The following ZNF407 variants were observed in gnomAD, a reference collection of about 807,000 sequenced individuals.
ZNF407 encodes zinc finger protein 407.
Under a neutral mutation model 131.2 loss-of-function variants are expected in ZNF407, and 17 were observed. That is an observed-to-expected ratio of 0.13 (90% CI 0.09 to 0.19). The LOEUF (loss-of-function observed/expected upper bound fraction) is 0.19, where lower values mean the gene tolerates loss of function less well. Ranked by LOEUF, ZNF407 falls within the 10% of genes least tolerant of loss-of-function variation. The pLI, the probability that ZNF407 is intolerant of heterozygous loss-of-function variation, is 1.00. For synonymous variants in ZNF407, 1,156 were observed against 1,062.0 expected, an observed-to-expected ratio of 1.09 and a Z score of -1.72; for missense variants, 2,681 against 2,830.6, an observed-to-expected ratio of 0.95 and a Z score of 1.20.
intron 8 of ZNF407, among the ~76,000 whole-genome samples, chr18:75,004,452 C>T (rs572866763): frequency 3.9e-5 from 6 of 152,204 alleles, no homozygotes. Context: ...GCAGGACAGG[C>T]CCGTGCCACC....
chr18:74,776,934 G>A (rs752016489), intron 3 of ZNF407, among the ~76,000 whole-genome samples: 11 of 152,104 alleles, frequency 7.2e-5, no homozygotes, highest in Admixed American at 1.3e-4. Flanking sequence ...CCTTTTGATC[G>A]TCGCATTAAG....
chr18:74,881,934 C>G (rs28446887), intron 6 of ZNF407, among the ~76,000 whole-genome samples: 4,292 of 152,280 alleles, frequency 0.028, 193 homozygotes, highest in African/African-American at 0.095. Context: ...AAAGGCACAT[C>G]TTACATGGCG....
intron 1 of ZNF407, among the ~76,000 whole-genome samples, chr18:74,598,906 G>A (rs1490948380): frequency 6.6e-6 from 1 of 152,232 alleles, no homozygotes; most frequent in Non-Finnish European, 1.5e-5. Context: ...TTTGGAATAG[G>A]ACATCCCACA....
intron 1 of ZNF407, among the ~76,000 whole-genome samples, chr18:74,602,681 T>C (rs996653999): frequency 2.0e-5 from 3 of 152,184 alleles, no homozygotes; most frequent in Non-Finnish European, 4.4e-5. Context: ...AGCTATTAAA[T>C]GGTAGAGCCA....
At position 74,632,001 on chromosome 18, in the gene ZNF407, A is replaced by G. The variant is rs1984120480; in HGVS notation, c.982A>G (p.Lys328Glu). The change falls in exon 2 of 9, where the codon AAA becomes GAA. Residue 328 changes from lysine to glutamate, a missense_variant. By Grantham distance (56) the Lys-to-Glu change is moderately conservative. This residue lies in a region of ZNF407 where 1,789 missense variants were observed against 1,748.7 expected (regional missense o/e 1.02). Coordinates refer to ENST00000299687, the MANE Select transcript of ZNF407 (RefSeq NM_017757.3). ...KGLRNVGSTF[K>E]DFRGSISKQS... ...ATTACGAAATGTGGGAAGCACGTTTAAAGATTTCAGAGGAAGTATTTCTAA... is the reference window on the plus strand; with the variant it reads ...ATTACGAAATGTGGGAAGCACGTTTGAAGATTTCAGAGGAAGTATTTCTAA... 8 of 1,613,994 alleles carry G rather than the reference A, an allele frequency of 5.0e-6. No individual in the cohort carries two copies. Among genetic ancestry groups the G allele is most frequent in the Non-Finnish European group, 5.1e-6 (6 of 1,179,894 alleles).
Position 74,632,165 on chromosome 18 carries a change from A to G in ZNF407, c.1146A>G (p.Leu382=). The part of the protein sequence containing the change: ...AQNPENQSRK[L]DTLVTSEGLL... ...ATCCTGAAAACCAGAGTAGAAAGCT[A>G]GACACCTTAGTAACCTCAGAGGGTC... The change falls in exon 2 of 9, where the codon CTA becomes CTG. Residue 382 remains leucine, a synonymous_variant. Coordinates refer to ENST00000299687, the MANE Select transcript of ZNF407 (RefSeq NM_017757.3). The G allele has an allele frequency of 1.2e-6, 2 of 1,614,010 alleles. No homozygotes were observed. The highest frequency in any genetic ancestry group is 2.2e-5 in the East Asian group (1 of 44,882).
chr18:74,778,889 T>TAGCTTTCAGATTTGCC (rs1378957804), intron 3 of ZNF407, among the ~76,000 whole-genome samples: 1 of 152,050 alleles, frequency 6.6e-6, no homozygotes, highest in African/African-American at 2.4e-5. Flanking sequence ...GCCAATTGGC[T>TAGCTTTCAGATTTGCC]AGCTTTCAGA....
chr18:74,846,806 A>G (rs1434780284), intron 4 of ZNF407, among the ~76,000 whole-genome samples: 1 of 151,848 alleles, frequency 6.6e-6, no homozygotes, highest in Non-Finnish European at 1.5e-5. Context: ...AGCCTGGCCA[A>G]CATGGTGAAA....
At chr18:74,600,873 A>G (rs1310527053) in intron 1 of ZNF407, among the ~76,000 whole-genome samples, 1 of 152,214 alleles carries the variant, frequency 6.6e-6, no homozygotes, top group East Asian at 1.9e-4. Context: ...AGTGACATGT[A>G]CACCCTTTTG....
Position 74,634,786 on chromosome 18 carries a change from G to T in ZNF407, c.3767G>T (p.Gly1256Val). ...HRHLCPVTLD[G>V]ERSAESPVLV... ...CACCTGTGCCCTGTGACGCTCGATG[G>T]GGAGCGCTCGGCTGAAAGCCCTGTG... The change falls in exon 2 of 9, where the codon GGG becomes GTG. Residue 1256 changes from glycine to valine, a missense_variant. Around this residue, in one of 6 missense-constraint regions of ZNF407, gnomAD observed 1,789 missense variants for 1,748.7 expected, o/e 1.02. Transcript: ENST00000299687. The T allele has an allele frequency of 6.2e-7, 1 of 1,614,022 alleles. No individual in the cohort carries two copies. Among genetic ancestry groups the T allele is most frequent in the South Asian group, 1.1e-5 (1 of 91,086 alleles).
chr18:74,705,649 T>A (rs560003203), intron 3 of ZNF407, among the ~76,000 whole-genome samples: 1 of 152,360 alleles, frequency 6.6e-6, no homozygotes, highest in Non-Finnish European at 1.5e-5. Flanking sequence ...TTTATGTTGA[T>A]GAAATTGGAT....
intron 8 of ZNF407, among the ~76,000 whole-genome samples, chr18:74,932,682 TTTAAG>T (rs1450056230): frequency 6.6e-6 from 1 of 152,250 alleles, no homozygotes; most frequent in Non-Finnish European, 1.5e-5. Flanking sequence ...TCTTCAATTC[TTTAAG>T]TTATCAAATA....
chr18:75,001,394 T>C (rs1972844112), intron 8 of ZNF407, among the ~76,000 whole-genome samples: 1 of 152,198 alleles, frequency 6.6e-6, no homozygotes, highest in South Asian at 2.1e-4. Flanking sequence ...CGATATCTAT[T>C]AGGGGGAGAA....
intron 3 of ZNF407, among the ~76,000 whole-genome samples, chr18:74,667,281 TTGAC>T (rs1469350022): frequency 3.3e-5 from 5 of 152,246 alleles, no homozygotes; most frequent in African/African-American, 1.2e-4. Context: ...TTGCCGATCT[TTGAC>T]TGCAGAAACT....
intron 3 of ZNF407, among the ~76,000 whole-genome samples, chr18:74,689,018 G>A (rs1042524801): frequency 6.6e-6 from 1 of 152,038 alleles, no homozygotes; most frequent in Non-Finnish European, 1.5e-5. Flanking sequence ...TGTAGAGATG[G>A]GGTTTCACCC....
intron 8 of ZNF407, among the ~76,000 whole-genome samples, chr18:74,973,646 A>T (rs1972497255): frequency 6.6e-6 from 1 of 152,222 alleles, no homozygotes; most frequent in African/African-American, 2.4e-5. Flanking sequence ...GGCCGCCATA[A>T]CAAAATGAGG....
At chr18:74,689,990 C>A (rs1489414387) in intron 3 of ZNF407, among the ~76,000 whole-genome samples, 1 of 151,952 alleles carries the variant, frequency 6.6e-6, no homozygotes. Context: ...GAAACAGACA[C>A]CAAAAGGAGG....
intron 3 of ZNF407, among the ~76,000 whole-genome samples, chr18:74,691,368 T>A (rs953838174): frequency 6.6e-6 from 1 of 151,926 alleles, no homozygotes; most frequent in Non-Finnish European, 1.5e-5. Context: ...TTCCTTATTT[T>A]ATTATAGTAT....
At chr18:74,682,413 G>A (rs1489915522) in intron 3 of ZNF407, among the ~76,000 whole-genome samples, 1 of 152,102 alleles carries the variant, frequency 6.6e-6, no homozygotes, top group African/African-American at 2.4e-5. Flanking sequence ...GGCGTGGGTG[G>A]TACTTCAGCT....
Sources: allele counts gnomAD v4.1 joint callset (sites outside exome capture counted in the v4.1 genomes callset), GRCh38; gene constraint gnomAD v4.1.1; regional missense constraint gnomAD v4.1.1; transcripts MANE v1.5; gene names NCBI Gene and HGNC (gene_info 2026-07-23, HGNC 2026-07-21).